ENOX1: variants seen among roughly 807,000 people sequenced by gnomAD.
ENOX1 encodes the protein ecto-NOX disulfide-thiol exchanger 1.
ENOX1 carries 42 observed loss-of-function variants against 82.5 expected under a neutral mutation model. That is an observed-to-expected ratio of 0.51 (90% CI 0.40 to 0.66). The LOEUF is 0.66. Ranked by LOEUF, ENOX1 falls within the 30% of genes least tolerant of loss-of-function variation. The pLI, the probability that ENOX1 is intolerant of heterozygous loss-of-function variation, is 0.00. For synonymous variants in ENOX1, 271 were observed against 282.2 expected (o/e 0.96, Z 0.40); for missense variants, 608 against 811.6 (o/e 0.75, Z 3.05).
intron 1 of ENOX1, among the ~76,000 whole-genome samples, chr13:43,782,229 G>A (rs1051113407): frequency 6.6e-6 from 1 of 152,172 alleles, no homozygotes; most frequent in African/African-American, 2.4e-5. Context: ...CAAGATTCCA[G>A]TTGGTTAAAT....
At chr13:43,723,334 G>A (rs1026967164) in intron 1 of ENOX1, among the ~76,000 whole-genome samples, 3 of 152,110 alleles carry the variant, frequency 2.0e-5, no homozygotes, top group African/African-American at 4.8e-5. Context: ...AGCCCAGAAC[G>A]TGATTAAAAC....
At chr13:43,479,305 T>C (rs970213953) in intron 3 of ENOX1, among the ~76,000 whole-genome samples, 2 of 146,874 alleles carry the variant, frequency 1.4e-5, no homozygotes, top group Admixed American at 6.8e-5. Flanking sequence ...GAAACTATGG[T>C]GCTTGGTGAA....
At chr13:43,434,937 G>GTTTTTTTTTTTTTTTTTTTTTTT (rs537775258) in intron 3 of ENOX1, among the ~76,000 whole-genome samples, 6 of 75,910 alleles carry the variant, frequency 7.9e-5, no homozygotes, top group East Asian at 5.1e-4. Flanking sequence ...TGTGTGTGTG[G>GTTTTTTTTTTTTTTTTTTTTTTT]TTTTTTTTTT....
At chr13:43,485,714 G>A (rs1018330167) in intron 2 of ENOX1, among the ~76,000 whole-genome samples, 5 of 152,220 alleles carry the variant, frequency 3.3e-5, no homozygotes, top group Non-Finnish European at 7.3e-5. Context: ...TGAGAGGAAT[G>A]TGAAATGAAT....
rs2054158576 is a variant in ENOX1, at chr13:43,411,991, G to A, written c.133C>T (p.Pro45Ser). The change falls in exon 5 of 17, where the codon CCC becomes TCC. Residue 45 changes from proline (P) to serine (S), a missense_variant. Transcript: ENST00000690772. ...TTCATGGCTGTAGCCCAGGCTGTGG[G>A]ATCTGTCACGGACATGTTGAGCTGG... ...TTQLNMSVTD[P>S]TAWATAMNNL... 1 of 1,614,162 alleles carries A rather than the reference G, an allele frequency of 6.2e-7. No homozygotes were observed. The highest frequency in any genetic ancestry group is 8.5e-7 in the Non-Finnish European group (1 of 1,180,030).
intron 2 of ENOX1, among the ~76,000 whole-genome samples, 178 bp from the exon 3 acceptor site, chr13:43,484,330 C>A (rs2058614009): frequency 6.6e-6 from 1 of 152,124 alleles, no homozygotes; most frequent in Admixed American, 6.6e-5. Context: ...CTTTCAATAT[C>A]GTATTTAGAA....
intron 1 of ENOX1, among the ~76,000 whole-genome samples, chr13:43,698,611 T>A (rs1436286212): frequency 6.6e-6 from 1 of 152,190 alleles, no homozygotes; most frequent in Admixed American, 6.5e-5. Context: ...ATGAAGTTTT[T>A]TTTTACCTCA....
At chr13:43,277,993 G>A (rs1054817184) in intron 12 of ENOX1, among the ~76,000 whole-genome samples, 1 of 152,118 alleles carries the variant, frequency 6.6e-6, no homozygotes, top group East Asian at 1.9e-4. Flanking sequence ...CTGCCTTGGT[G>A]TAGGAGTTAA....
chr13:43,640,665 C>T (rs751921104), intron 2 of ENOX1, among the ~76,000 whole-genome samples: 4 of 152,114 alleles, frequency 2.6e-5, no homozygotes, highest in Non-Finnish European at 4.4e-5. Context: ...GTGTCCCCTC[C>T]ACCTCCACCC....
intron 1 of ENOX1, among the ~76,000 whole-genome samples, chr13:43,767,251 C>G (rs9590786): frequency 2.6e-5 from 4 of 152,138 alleles, no homozygotes. Flanking sequence ...ATTTGGAGCA[C>G]TGGAAGTTTG....
chr13:43,505,505 A>G (rs2077122258), intron 2 of ENOX1, among the ~76,000 whole-genome samples: 2 of 151,988 alleles, frequency 1.3e-5, no homozygotes, highest in African/African-American at 4.8e-5. Context: ...CAGACATTTG[A>G]AGAAAGTTGG....
At chr13:43,590,911 G>T (rs548299333) in intron 2 of ENOX1, among the ~76,000 whole-genome samples, 13 of 152,134 alleles carry the variant, frequency 8.5e-5, no homozygotes, top group Admixed American at 5.9e-4. Flanking sequence ...ATGAGAAAAT[G>T]TTCCAATAGT....
chr13:43,344,741 T>C lies in ENOX1; in HGVS notation c.833A>G (p.Lys278Arg), dbSNP rs750625132. The C allele has an allele frequency of 6.2e-7, 1 of 1,613,800 alleles. No homozygotes were observed. Reference sequence around the variant, plus strand: ...CAGCACTGTGATAGCCTCTGAAAACTTGCTATCATCTGGAAATGGAAAACC... The same window carrying C: ...CAGCACTGTGATAGCCTCTGAAAACCTGCTATCATCTGGAAATGGAAAACC... ...LLAEKLKDDSKFSEAITVLLS... is the reference protein window; with the variant it reads ...LLAEKLKDDSRFSEAITVLLS... The change falls in exon 9 of 17, where the codon AAG becomes AGG. Residue 278 changes from lysine to arginine, a missense_variant. Coordinates refer to ENST00000690772, the MANE Select transcript of ENOX1 (RefSeq NM_001347969.2).
intron 1 of ENOX1, among the ~76,000 whole-genome samples, chr13:43,701,653 T>C (rs2086913123): frequency 6.6e-6 from 1 of 152,212 alleles, no homozygotes; most frequent in South Asian, 2.1e-4. Context: ...TTTAAATTAT[T>C]TTTTCCAGAA....
chr13:43,264,059 T>C (rs143634298), intron 14 of ENOX1, among the ~76,000 whole-genome samples: 1 of 152,312 alleles, frequency 6.6e-6, no homozygotes, highest in African/African-American at 2.4e-5. Context: ...GTCCCACAGA[T>C]CCAGGAAACC....
chr13:43,776,820 AGG>A (rs1491456631), intron 1 of ENOX1, among the ~76,000 whole-genome samples: 1 of 148,604 alleles, frequency 6.7e-6, no homozygotes. Flanking sequence ...ACCCACAGCT[AGG>A]GAAAAAAAAA....
chr13:43,284,363 G>A (rs2045570207), intron 12 of ENOX1, among the ~76,000 whole-genome samples: 1 of 152,206 alleles, frequency 6.6e-6, no homozygotes, highest in African/African-American at 2.4e-5. Flanking sequence ...ACTGAAAAAT[G>A]TGTAACACAC....
chr13:43,724,934 C>T (rs1365849350), intron 1 of ENOX1, among the ~76,000 whole-genome samples: 5 of 152,142 alleles, frequency 3.3e-5, no homozygotes, highest in African/African-American at 9.7e-5. Flanking sequence ...GAGATAAGTA[C>T]AAAAGAAAGA....
At chr13:43,322,317 A>G (rs780149556) in intron 11 of ENOX1, 67 bp downstream of exon 11, 13 of 1,236,536 alleles carry the variant, frequency 1.1e-5, no homozygotes, top group Non-Finnish European at 1.5e-5. Context: ...CCATTTACTT[A>G]TTCCCCATCT....
Sources: gnomAD v4.1 joint callset for allele counts (sites outside exome capture counted in the v4.1 genomes callset) on GRCh38, gnomAD v4.1.1 for gene constraint, MANE v1.5 for transcripts, NCBI Gene and HGNC (gene_info 2026-07-23, HGNC 2026-07-21) for gene names.